The following MNS1 variants were observed in gnomAD, a reference collection of about 807,000 sequenced individuals.
MNS1 encodes the protein meiosis specific nuclear structural 1, also known as meiosis-specific nuclear structural protein 1.
In MNS1, 63 loss-of-function variants were observed where a neutral mutation model predicts 72.0. That is an observed-to-expected ratio of 0.87 (90% CI 0.71 to 1.08). The LOEUF (loss-of-function observed/expected upper bound fraction) is 1.08. Ranked by LOEUF, MNS1 falls within the 50% of genes least tolerant of loss-of-function variation. MNS1 has a pLI of 0.00. For synonymous variants in MNS1, 188 were observed against 172.1 expected (o/e 1.09, Z -0.72); for missense variants, 604 against 562.4 (o/e 1.07, Z -0.75).
intron 2 of MNS1, among the ~76,000 whole-genome samples, chr15:56,460,003 A>ATAT (rs1243035397): frequency 6.1e-5 from 2 of 32,856 alleles, no homozygotes; most frequent in African/African-American, 2.3e-4. Context: ...AAAAAAAAAA[A>ATAT]AAAAAAATAC....
At chr15:56,453,669 A>T (rs2050962433) in intron 3 of MNS1, among the ~76,000 whole-genome samples, 1 of 152,208 alleles carries the variant, frequency 6.6e-6, no homozygotes. Flanking sequence ...CTAATTGTTT[A>T]GTGCCATAAT....
chr15:56,436,503 A>G (rs1367384739), intron 7 of MNS1, among the ~76,000 whole-genome samples: 1 of 152,212 alleles, frequency 6.6e-6, no homozygotes, highest in African/African-American at 2.4e-5. Context: ...AAGAAAAATC[A>G]GGAAAGATCT....
At chr15:56,463,588 C>T (rs1158204046) in intron 2 of MNS1, among the ~76,000 whole-genome samples, 2 of 152,064 alleles carry the variant, frequency 1.3e-5, no homozygotes, top group Non-Finnish European at 2.9e-5. Flanking sequence ...TCGAGATCAG[C>T]CTGGTCAATA....
chr15:56,447,120 G>T, intron 3 of MNS1, 177 bp from the exon 4 acceptor site: 1 of 523,002 alleles, frequency 1.9e-6, no homozygotes, highest in African/African-American at 1.9e-5. Context: ...GGGCATTAGG[G>T]CTTACATTTT....
intron 7 of MNS1, 107 bp from the exon 8 acceptor site, chr15:56,434,502 TA>T: frequency 8.3e-7 from 1 of 1,201,568 alleles, no homozygotes; most frequent in Non-Finnish European, 1.1e-6. Context: ...TATGAAATCA[TA>T]CAAACTGAAA....
chr15:56,433,404 G>A (rs978240253), intron 8 of MNS1, among the ~76,000 whole-genome samples: 1 of 94,430 alleles, frequency 1.1e-5, no homozygotes. Flanking sequence ...TTCTGCACAT[G>A]CATCCTGGAA....
At chr15:56,441,429 G>A (rs1321306273) in intron 7 of MNS1, among the ~76,000 whole-genome samples, 4 of 151,838 alleles carry the variant, frequency 2.6e-5, no homozygotes, top group Non-Finnish European at 2.9e-5. Flanking sequence ...GATATCCTGC[G>A]GTTCTGACTA....
chr15:56,439,692 G>C lies in MNS1; in HGVS notation c.1011+3738C>G, dbSNP rs760901810. Among the ~76,000 whole-genome samples the C allele has an allele frequency of 8.0e-5, 12 of 150,874 alleles. No homozygotes were observed. The South Asian group carries it at 1.3e-3, about 16-fold the overall frequency. ...GCAAAAACTGTATTTAAGTCTCATC[G>C]TTTGTACCAAAAATTAACTCAAAAC... On this transcript the variant is annotated intron_variant, in intron 7 of 9. Coordinates refer to ENST00000260453, the MANE Select transcript of MNS1 (RefSeq NM_018365.4).
At chr15:56,441,876 C>T (rs144017194) in intron 7 of MNS1, among the ~76,000 whole-genome samples, 4,452 of 151,812 alleles carry the variant, frequency 0.029, 242 homozygotes, top group African/African-American at 0.1. Context: ...AAAAATTAGC[C>T]GGGCATGGTG....
chr15:56,463,794 A>T, intron 2 of MNS1: 1 of 461,528 alleles, frequency 2.2e-6, no homozygotes, highest in East Asian at 3.6e-5. Flanking sequence ...AAAAAAAAAA[A>T]GTAAAAGCAA....
intron 2 of MNS1, among the ~76,000 whole-genome samples, chr15:56,459,872 C>T (rs147166846): frequency 0.028 from 4,181 of 149,730 alleles, 202 homozygotes; most frequent in African/African-American, 0.097. Flanking sequence ...TGCCTATAAT[C>T]CCAGCTACTT....
chr15:56,437,696 T>A (rs543141205), intron 7 of MNS1, among the ~76,000 whole-genome samples: 1 of 152,328 alleles, frequency 6.6e-6, no homozygotes, highest in Non-Finnish European at 1.5e-5. Flanking sequence ...GCAGATGACA[T>A]GATTGTATAT....
intron 7 of MNS1, among the ~76,000 whole-genome samples, chr15:56,440,919 T>A (rs865824067): frequency 6.6e-6 from 1 of 152,194 alleles, no homozygotes; most frequent in African/African-American, 2.4e-5. Flanking sequence ...ATTTCTACTT[T>A]TAGACTATTG....
At chr15:56,442,778 A>C (rs936074266) in intron 7 of MNS1, among the ~76,000 whole-genome samples, 1 of 152,088 alleles carries the variant, frequency 6.6e-6, no homozygotes, top group Non-Finnish European at 1.5e-5. Context: ...TAAACTACCT[A>C]TCGAGTACTA....
chr15:56,440,451 A>G (rs539446613), intron 7 of MNS1, among the ~76,000 whole-genome samples: 3 of 152,314 alleles, frequency 2.0e-5, no homozygotes, highest in Non-Finnish European at 2.9e-5. Context: ...AAACCCAGCT[A>G]ATACAATCTT....
intron 3 of MNS1, among the ~76,000 whole-genome samples, chr15:56,449,103 GAATA>G (rs1241014747): frequency 6.6e-6 from 1 of 152,034 alleles, no homozygotes; most frequent in Non-Finnish European, 1.5e-5. Flanking sequence ...TATCATCTGT[GAATA>G]ATTAAATTTT....
chr15:56,448,561 T>A (rs1567152599), intron 3 of MNS1, among the ~76,000 whole-genome samples: 1 of 152,190 alleles, frequency 6.6e-6, no homozygotes, highest in Admixed American at 6.5e-5. Context: ...GCAAAGGACA[T>A]AATTTCATTG....
intron 2 of MNS1, among the ~76,000 whole-genome samples, chr15:56,462,720 T>A (rs751374363): frequency 9.2e-5 from 14 of 152,190 alleles, no homozygotes; most frequent in Non-Finnish European, 1.5e-4. Flanking sequence ...TGGATCTTGG[T>A]TAAAACAAAC....
chr15:56,430,665 C>T (rs2050564525), intron 9 of MNS1, among the ~76,000 whole-genome samples: 1 of 152,086 alleles, frequency 6.6e-6, no homozygotes, highest in Non-Finnish European at 1.5e-5. Context: ...CTGGTGTTAC[C>T]AGTGACAATG....
Sources: allele counts gnomAD v4.1 joint callset (sites outside exome capture counted in the v4.1 genomes callset), GRCh38; gene constraint gnomAD v4.1.1; transcripts MANE v1.5; gene names NCBI Gene and HGNC (gene_info 2026-07-23, HGNC 2026-07-21).